Variants in TENM3 observed in about 807,000 individuals in gnomAD.
TENM3 encodes teneurin-3.
TENM3 carries 63 observed loss-of-function variants against 255.1 expected under a neutral mutation model. The ratio of observed to expected loss-of-function variants is 0.25; its 90% CI spans 0.20 to 0.30. The LOEUF is 0.30. Ranked by LOEUF, TENM3 falls within the 10% of genes least tolerant of loss-of-function variation. The probability of loss-of-function intolerance (pLI) is 1.00; values close to 1 mark genes in which losing one functional copy is unlikely to be tolerated. For missense variants in TENM3, 2,929 were observed against 3,461.1 expected, an observed-to-expected ratio of 0.85 and a Z score of 3.86; for synonymous variants, 1,306 against 1,322.3, an observed-to-expected ratio of 0.99 and a Z score of 0.27.
At chr4:181,803,437 T>A in the TENM3 span, among the ~76,000 whole-genome samples, 2 of 152,198 alleles carry the variant, frequency 1.3e-5, no homozygotes, top group African/African-American at 4.8e-5. Context: ...TCACAAATAA[T>A]CTGAAATGGC....
At chr4:181,712,404 C>T in the TENM3 span, among the ~76,000 whole-genome samples, 2 of 152,152 alleles carry the variant, frequency 1.3e-5, no homozygotes, top group African/African-American at 4.8e-5. Context: ...CTCTCTTGCT[C>T]TCACTCCTGC....
intron 13 of TENM3, among the ~76,000 whole-genome samples, chr4:182,721,303 G>A (rs1317424007): frequency 2.0e-5 from 3 of 147,158 alleles, no homozygotes; most frequent in South Asian, 5.6e-4. Context: ...TGGGCATCTC[G>A]TGAATTCATA....
the TENM3 span, among the ~76,000 whole-genome samples, chr4:181,963,545 C>G: frequency 2.6e-5 from 4 of 152,094 alleles, no homozygotes; most frequent in Non-Finnish European, 5.9e-5. Flanking sequence ...CCCTGATTCC[C>G]TAAGAAAATA....
At chr4:181,783,577 G>T in the TENM3 span, among the ~76,000 whole-genome samples, 1 of 152,044 alleles carries the variant, frequency 6.6e-6, no homozygotes, top group Non-Finnish European at 1.5e-5. Flanking sequence ...CATCCTAAAA[G>T]TTCCATGAAA....
At chr4:181,802,439 A>G in the TENM3 span, among the ~76,000 whole-genome samples, 3 of 152,176 alleles carry the variant, frequency 2.0e-5, no homozygotes, top group Non-Finnish European at 4.4e-5. Context: ...TATCATGATC[A>G]TTGTTTTCAG....
At chr4:182,000,918 A>T in the TENM3 span, among the ~76,000 whole-genome samples, 5 of 152,068 alleles carry the variant, frequency 3.3e-5, no homozygotes, top group Non-Finnish European at 5.9e-5. Flanking sequence ...AATAATTTTG[A>T]ACATGAAAGT....
the TENM3 span, among the ~76,000 whole-genome samples, chr4:181,981,382 G>A: frequency 1.3e-5 from 2 of 152,162 alleles, no homozygotes; most frequent in South Asian, 4.2e-4. Context: ...AAGACTTATA[G>A]AATGAATAAC....
At position 182,775,131 on chromosome 4, in the gene TENM3, A is replaced by G. The variant is rs1365358466; in HGVS notation, c.5282A>G (p.Asn1761Ser). 4 of 1,613,990 alleles carry G rather than the reference A, an allele frequency of 2.5e-6. No individual in the cohort carries two copies. The highest frequency in any genetic ancestry group is 2.2e-5 in the South Asian group (2 of 91,082). The change falls in exon 24 of 28, where the codon AAT (asparagine) becomes AGT (serine). Residue 1761 changes from asparagine (N) to serine (S), a missense_variant. By Grantham distance (46) the Asn-to-Ser change is conservative (BLOSUM62 1). Around this residue, in one of 6 missense-constraint regions of TENM3, gnomAD observed 303 missense variants for 425.2 expected, o/e 0.71. Transcript: ENST00000511685. ...FRKEQAQGKV[N>S]VFGRKLRVNG... ...AAAGAGCAAGCCCAAGGGAAAGTCA[A>G]TGTCTTTGGCCGCAAGCTCAGGGTA...
chr4:182,677,964 C>T (rs963128545), intron 7 of TENM3, among the ~76,000 whole-genome samples: 10 of 151,892 alleles, frequency 6.6e-5, no homozygotes. Context: ...TTAAATAGGC[C>T]TCTGATGAAA....
intron 19 of TENM3, among the ~76,000 whole-genome samples, chr4:182,751,043 A>G (rs1391449682): frequency 6.6e-6 from 1 of 152,152 alleles, no homozygotes; most frequent in Non-Finnish European, 1.5e-5. Context: ...AATGTTTTAC[A>G]TTTGCATTTC....
At chr4:181,627,802 T>G in the TENM3 span, among the ~76,000 whole-genome samples, 1 of 152,216 alleles carries the variant, frequency 6.6e-6, no homozygotes, top group Non-Finnish European at 1.5e-5. Flanking sequence ...ACATTAAGTG[T>G]GCATGTGCCA....
chr4:181,648,326 G>T, the TENM3 span, among the ~76,000 whole-genome samples: 2 of 152,036 alleles, frequency 1.3e-5, no homozygotes, highest in Admixed American at 1.3e-4. Context: ...AGAAAAGTCG[G>T]GTTTCCTAAA....
intron 3 of TENM3, 74 bp downstream of exon 3, chr4:182,347,003 G>C: frequency 3.7e-6 from 4 of 1,092,024 alleles, no homozygotes; most frequent in Non-Finnish European, 5.1e-6. Context: ...CGCGGGGGGG[G>C]ATGTTTTTCT....
chr4:182,161,415 CAAAAAAAAAAA>C lies in TENM3; in HGVS notation c.-76+16673_-76+16683del, dbSNP rs70954290. ...TGGGCGACAGAGCGAGACTCCGTCTCAAAAAAAAAAAAAAAAAAAAAATTAGCTGGGCGTGG... is the reference window on the plus strand; with the variant it reads ...TGGGCGACAGAGCGAGACTCCGTCTCAAAAAAAAAAATTAGCTGGGCGTGG... On this transcript the variant is annotated intron_variant, in intron 1 of 2. Coordinates refer to the TENM3 transcript ENST00000512480. 5.9e-4 allele frequency among the ~76,000 whole-genome samples: 26 copies of C among 43,826 alleles called. 2 individuals are homozygous for C. Among genetic ancestry groups the C allele is most frequent in the Non-Finnish European group, 6.1e-4 (16 of 26,372 alleles). 28.8% of individuals were successfully genotyped at this position (43,826 alleles called of 152,430 possible). A position where few individuals can be genotyped will look rare whatever the true frequency, so the allele number is the denominator to read the frequency against.
chr4:181,692,822 C>T, the TENM3 span, among the ~76,000 whole-genome samples: 1 of 152,118 alleles, frequency 6.6e-6, no homozygotes. Flanking sequence ...TGCTTAATAA[C>T]ACTCTTAAAA....
At chr4:181,809,059 G>A in the TENM3 span, among the ~76,000 whole-genome samples, 1 of 152,236 alleles carries the variant, frequency 6.6e-6, no homozygotes, top group Non-Finnish European at 1.5e-5. Flanking sequence ...TGTTGATGTG[G>A]CTGATAAAAA....
At chr4:182,312,976 T>G (rs1223097804) in intron 1 of TENM3, among the ~76,000 whole-genome samples, 7 of 152,210 alleles carry the variant, frequency 4.6e-5, no homozygotes, top group Non-Finnish European at 8.8e-5. Context: ...CTATTAAATT[T>G]TCTTTCCATA....
chr4:182,212,737 G>A (rs987691588), intron 1 of TENM3, among the ~76,000 whole-genome samples: 7 of 152,170 alleles, frequency 4.6e-5, no homozygotes, highest in African/African-American at 9.7e-5. Context: ...AAAGGACAGA[G>A]TTGAGATTTT....
intron 3 of TENM3, among the ~76,000 whole-genome samples, chr4:182,486,315 TG>T (rs5864787): frequency 9.0e-6 from 1 of 111,338 alleles, no homozygotes; most frequent in African/African-American, 4.7e-5. Flanking sequence ...TAATTGTGTG[TG>T]GGGGGGAGGG....
Sources: gnomAD v4.1 joint callset for allele counts (sites outside exome capture counted in the v4.1 genomes callset) on GRCh38, gnomAD v4.1.1 for gene constraint, gnomAD v4.1.1 regional missense constraint, MANE v1.5 for transcripts, NCBI Gene and HGNC (gene_info 2026-07-23, HGNC 2026-07-21) for gene names.